Variants in SHROOM2 observed in about 807,000 individuals in gnomAD.
The protein encoded by SHROOM2 is protein Shroom2.
Under a neutral mutation model 75.9 loss-of-function variants are expected in SHROOM2, and 33 were observed. The observed-to-expected ratio is 0.43, with a 90% confidence interval of 0.33 to 0.58. SHROOM2 has a LOEUF of 0.58. SHROOM2 is among the 20% of genes least tolerant of loss of function. The pLI is 0.04. For synonymous variants in SHROOM2, 655 were observed against 663.6 expected (o/e 0.99, Z 0.20); for missense variants, 1,434 against 1,461.2 (o/e 0.98, Z 0.30).
chrX:9,858,799 C>G (rs1285046946), intron 1 of SHROOM2, among the ~76,000 whole-genome samples: 2 of 111,605 alleles, frequency 1.8e-5, no homozygotes, highest in Admixed American at 1.9e-4. Context: ...GAGCAATACT[C>G]TGTCTCAAAA....
intron 1 of SHROOM2, among the ~76,000 whole-genome samples, chrX:9,798,094 G>C (rs759532883): frequency 9.0e-6 from 1 of 111,201 alleles, no homozygotes; most frequent in African/African-American, 3.3e-5. Flanking sequence ...AACTGGCCTC[G>C]GGAGGAAGGT....
chrX:9,894,200 T>C (rs1379985923), intron 3 of SHROOM2, among the ~76,000 whole-genome samples, 158 bp from the exon 4 acceptor site: 1 of 111,583 alleles, frequency 9.0e-6, no homozygotes, highest in Admixed American at 9.5e-5. Context: ...AATCCAGATG[T>C]GCTGAGCTGC....
intron 1 of SHROOM2, among the ~76,000 whole-genome samples, chrX:9,854,881 C>T (rs12395804): frequency 0.23 from 24,757 of 110,021 alleles, 4,400 homozygotes; most frequent in African/African-American, 0.59. Flanking sequence ...TTGGAGTAAA[C>T]GGCACACGTA....
At chrX:9,791,790 C>T (rs1448386079) in intron 1 of SHROOM2, among the ~76,000 whole-genome samples, 1 of 110,016 alleles carries the variant, frequency 9.1e-6, no homozygotes, top group African/African-American at 3.3e-5. Context: ...GTCGGGAGTT[C>T]AGGACCAGCC....
intron 6 of SHROOM2, among the ~76,000 whole-genome samples, chrX:9,933,650 A>G (rs961503014): frequency 2.7e-5 from 3 of 111,899 alleles, no homozygotes; most frequent in African/African-American, 9.7e-5. Flanking sequence ...GTGCATGCCT[A>G]TAGTCCCAGC....
At chrX:9,914,811 A>T (rs1167911607) in intron 5 of SHROOM2, among the ~76,000 whole-genome samples, 2 of 112,090 alleles carry the variant, frequency 1.8e-5, no homozygotes, top group Admixed American at 9.5e-5. Flanking sequence ...GTGGGGCAGC[A>T]TGGCTGATTT....
Position 9,946,756 on chromosome X carries a change from G to T in SHROOM2, c.4670G>T (p.Arg1557Leu), listed in dbSNP as rs201047041. 3.3e-6 allele frequency: 4 copies of T among 1,203,085 alleles called. No individual in the cohort carries two copies. The highest frequency in any genetic ancestry group is 4.4e-5 in the Admixed American group (2 of 45,004). Residue 1557 changes from arginine (R) to leucine (L), a missense_variant, in exon 10 of 10, where the codon CGC (arginine) becomes CTC (leucine). Physicochemically the swap from Arg to Leu is moderately radical, Grantham distance 102 (BLOSUM62 -2). Transcript: ENST00000380913. Reference sequence around the variant, plus strand: ...AAGGAGAACCTGGACCGCCGCGAGCGCATCGTCTTTGACATTTTGGCCAAC... The same window carrying T: ...AAGGAGAACCTGGACCGCCGCGAGCTCATCGTCTTTGACATTTTGGCCAAC... ...ELKENLDRRE[R>L]IVFDILANYL...
Position 9,932,346 on chromosome X carries a change from C to T in SHROOM2, c.3063C>T (p.Tyr1021=), listed in dbSNP as rs1187678578. The change falls in exon 6 of 10, where the codon TAC becomes TAT. Residue 1021 remains tyrosine (Y), a synonymous_variant. Coordinates refer to ENST00000380913, the MANE Select transcript of SHROOM2 (RefSeq NM_001649.4). ...RAGTLPRDYR[Y]SEESTPADLG... ...GAACCCTACCTCGAGATTATAGATA[C>T]TCGGAGGAGAGCACCCCAGCAGACT... 8.3e-7 allele frequency: 1 copy of T among 1,208,135 alleles called. No homozygotes were observed. The highest frequency in any genetic ancestry group is 1.1e-6 in the Non-Finnish European group (1 of 894,367).
At chrX:9,936,010 G>T (rs1404481400) in intron 6 of SHROOM2, among the ~76,000 whole-genome samples, 2 of 111,642 alleles carry the variant, frequency 1.8e-5, no homozygotes, top group African/African-American at 3.3e-5. Flanking sequence ...ACAAGGGACT[G>T]TGGCATTGCT....
chrX:9,827,855 AG>A (rs2083896161), intron 1 of SHROOM2, among the ~76,000 whole-genome samples: 1 of 111,013 alleles, frequency 9.0e-6, no homozygotes, highest in Admixed American at 9.5e-5. Context: ...GTACTAGCGA[AG>A]GACCTAGCAG....
At chrX:9,811,622 A>G (rs1208922602) in intron 1 of SHROOM2, among the ~76,000 whole-genome samples, 1 of 112,236 alleles carries the variant, frequency 8.9e-6, no homozygotes, top group Non-Finnish European at 1.9e-5. Flanking sequence ...TTCTCTGTCC[A>G]TGCAAAGTGC....
intron 5 of SHROOM2, among the ~76,000 whole-genome samples, chrX:9,923,372 C>A (rs755305580): frequency 8.9e-6 from 1 of 111,776 alleles, no homozygotes; most frequent in Non-Finnish European, 1.9e-5. Flanking sequence ...AGAGTAATTT[C>A]ATTTCAGAGG....
intron 1 of SHROOM2, among the ~76,000 whole-genome samples, chrX:9,803,834 A>G: frequency 9.0e-6 from 1 of 111,537 alleles, no homozygotes; most frequent in Non-Finnish European, 1.9e-5. Context: ...TACAAGGGAA[A>G]AGCAGTGCTG....
In SHROOM2 at chrX:9,932,243, C is replaced by T. The variant is rs764033303; in HGVS notation, c.2960C>T (p.Pro987Leu). ...CAGCACCCACCGAGTCAGAAGGCAC[C>T]GAACCCACCCACATTCTCTGAACTA... is the stretch of plus-strand genomic sequence containing the variant. ...SQQHPPSQKA[P>L]NPPTFSELSH... is the part of the protein sequence containing the mutation. The change falls in exon 6 of 10, where the codon CCG (proline) becomes CTG (leucine). Residue 987 changes from proline (P) to leucine (L), a missense_variant. Physicochemically the swap from Pro to Leu is moderately conservative, Grantham distance 98. Transcript: ENST00000380913. 89 of 1,174,273 alleles carry T rather than the reference C, an allele frequency of 7.6e-5. No homozygotes were observed. The highest frequency in any genetic ancestry group is 3.0e-5 in the East Asian group (1 of 33,086).
At chrX:9,896,811 C>T in intron 4 of SHROOM2, 113 bp downstream of exon 4, 2 of 854,820 alleles carry the variant, frequency 2.3e-6, no homozygotes, top group South Asian at 6.0e-5. Flanking sequence ...CGAGCATTTA[C>T]CTTTTCCAGA....
intron 2 of SHROOM2, among the ~76,000 whole-genome samples, chrX:9,877,486 G>C (rs1318093618): frequency 9.0e-6 from 1 of 111,295 alleles, no homozygotes; most frequent in African/African-American, 3.3e-5. Flanking sequence ...GTCTCTACTT[G>C]GCAGGGGAGT....
intron 1 of SHROOM2, among the ~76,000 whole-genome samples, chrX:9,790,242 A>G (rs1010270408): frequency 3.6e-5 from 4 of 111,191 alleles, no homozygotes; most frequent in Non-Finnish European, 7.6e-5. Flanking sequence ...ATTGGTTTGG[A>G]AAGGGGGCTC....
At chrX:9,883,775 A>G (rs1272815427) in intron 2 of SHROOM2, among the ~76,000 whole-genome samples, 1 of 111,496 alleles carries the variant, frequency 9.0e-6, no homozygotes, top group Non-Finnish European at 1.9e-5. Context: ...GGAAGGAAGC[A>G]GAGTCAGAGC....
chrX:9,938,875 T>C (rs763534160), intron 7 of SHROOM2, among the ~76,000 whole-genome samples: 5 of 112,113 alleles, frequency 4.5e-5, no homozygotes, highest in Non-Finnish European at 7.5e-5. Context: ...GTCCTTGTCC[T>C]CATCAACCCA....
Sources: allele counts gnomAD v4.1 joint callset (sites outside exome capture counted in the v4.1 genomes callset), GRCh38; gene constraint gnomAD v4.1.1; transcripts MANE v1.5; gene names NCBI Gene and HGNC (gene_info 2026-07-23, HGNC 2026-07-21).